The following CDYL variants were observed in gnomAD, a reference collection of about 807,000 sequenced individuals.
CDYL encodes the protein chromodomain Y like.
Under a neutral mutation model 47.3 loss-of-function variants are expected in CDYL, and 8 were observed. The ratio of observed to expected loss-of-function variants is 0.17; its 90% confidence interval spans 0.10 to 0.31. The LOEUF (loss-of-function observed/expected upper bound fraction) is 0.31. Ranked by LOEUF, CDYL falls within the 10% of genes least tolerant of loss-of-function variation. CDYL has a pLI of 1.00. For missense variants in CDYL, 471 were observed against 701.4 expected (o/e 0.67, Z 3.71); for synonymous variants, 266 against 265.0 (o/e 1.00, Z -0.04).
chr6:4,783,456 G>A (rs1193388623), intron 1 of CDYL, among the ~76,000 whole-genome samples: 3 of 144,628 alleles, frequency 2.1e-5, no homozygotes, highest in South Asian at 2.2e-4. Flanking sequence ...CACTCTTGTC[G>A]CCCAGGCTGG....
intron 1 of CDYL, among the ~76,000 whole-genome samples, chr6:4,886,922 C>T (rs1427470215): frequency 6.6e-6 from 1 of 152,106 alleles, no homozygotes; most frequent in East Asian, 1.9e-4. Flanking sequence ...TATGGATATC[C>T]AGTTGTCCCA....
chr6:4,864,906 A>G (rs1225942478), intron 1 of CDYL, among the ~76,000 whole-genome samples: 2 of 152,226 alleles, frequency 1.3e-5, no homozygotes, highest in African/African-American at 4.8e-5. Context: ...TACAAATTAT[A>G]GGAAGGAAGG....
At chr6:4,936,561 C>T (rs777297882) in intron 3 of CDYL, among the ~76,000 whole-genome samples, 3 of 152,184 alleles carry the variant, frequency 2.0e-5, no homozygotes, top group Non-Finnish European at 2.9e-5. Context: ...AGAGTCCCTT[C>T]ATTGATTATT....
intron 2 of CDYL, among the ~76,000 whole-genome samples, chr6:4,896,188 C>T (rs1762279423): frequency 6.6e-6 from 1 of 152,226 alleles, no homozygotes; most frequent in Non-Finnish European, 1.5e-5. Flanking sequence ...CTAAATCAGG[C>T]TTGCAGATTA....
At chr6:4,826,492 A>C (rs1759985400) in intron 1 of CDYL, among the ~76,000 whole-genome samples, 1 of 152,144 alleles carries the variant, frequency 6.6e-6, no homozygotes, top group African/African-American at 2.4e-5. Context: ...CTTTACATCT[A>C]TAAACTTTCC....
At chr6:4,884,408 G>A (rs1436823266) in intron 1 of CDYL, among the ~76,000 whole-genome samples, 1 of 152,194 alleles carries the variant, frequency 6.6e-6, no homozygotes, top group Non-Finnish European at 1.5e-5. Flanking sequence ...GACAAATTGA[G>A]TGGATTTGGT....
At chr6:4,783,531 C>G (rs182537270) in intron 1 of CDYL, among the ~76,000 whole-genome samples, 1 of 151,926 alleles carries the variant, frequency 6.6e-6, no homozygotes, top group African/African-American at 2.4e-5. Flanking sequence ...ATTCTCCTGC[C>G]TCAGCCTTTC....
At chr6:4,854,149 C>A (rs1162453112) in intron 1 of CDYL, among the ~76,000 whole-genome samples, 3 of 151,966 alleles carry the variant, frequency 2.0e-5, no homozygotes, top group African/African-American at 7.3e-5. Context: ...TCGTAGGCTG[C>A]TAGTTCTTTC....
chr6:4,880,781 A>G (rs1761742973), intron 1 of CDYL, among the ~76,000 whole-genome samples: 1 of 152,120 alleles, frequency 6.6e-6, no homozygotes, highest in South Asian at 2.1e-4. Flanking sequence ...CTAGTGACAT[A>G]TTCTGTGGCA....
At chr6:4,776,274 T>C (rs2127427554), upstream of CDYL, among the ~76,000 whole-genome samples, 1 of 138,706 alleles carries the variant, frequency 7.2e-6, no homozygotes, top group Non-Finnish European at 1.6e-5. Flanking sequence ...ACTGCTCCCC[T>C]CGGCTGCCCC....
rs117422184 is a variant in CDYL, at chr6:4,903,935, T to C, written c.691+11556T>C. On this transcript the variant is annotated intron_variant, in intron 2 of 6. Coordinates refer to ENST00000397588, the MANE Select transcript of CDYL (RefSeq NM_004824.4). ...GCCTCTTCATAGGCACGTTGCCATG[T>C]ACCACATGGCAGGCAGGTGTGACTG... Among the ~76,000 whole-genome samples, 28 of 152,344 alleles carry C rather than the reference T, an allele frequency of 1.8e-4. No homozygotes were observed. The East Asian group carries it at 4.6e-3, about 25-fold the overall frequency.
chr6:4,907,525 T>C (rs1057317084), intron 2 of CDYL, among the ~76,000 whole-genome samples: 1 of 151,944 alleles, frequency 6.6e-6, no homozygotes, highest in African/African-American at 2.4e-5. Context: ...CCTCACTAAT[T>C]TTTGTATTTT....
At chr6:4,927,393 T>G (rs1169588901) in intron 2 of CDYL, among the ~76,000 whole-genome samples, 1 of 151,372 alleles carries the variant, frequency 6.6e-6, no homozygotes, top group African/African-American at 2.4e-5. Context: ...TTTTTATGTT[T>G]TAGTGTTTTC....
chr6:4,708,026 T>C (rs987565666), intron 1 of CDYL, among the ~76,000 whole-genome samples: 2 of 152,170 alleles, frequency 1.3e-5, no homozygotes, highest in African/African-American at 4.8e-5. Flanking sequence ...TTGGAAAACA[T>C]TGTCAGAATG....
At chr6:4,870,856 C>T (rs1761453549) in intron 1 of CDYL, among the ~76,000 whole-genome samples, 1 of 152,072 alleles carries the variant, frequency 6.6e-6, no homozygotes, top group African/African-American at 2.4e-5. Context: ...TATTTGTTGG[C>T]ATTTTCTATT....
chr6:4,821,260 C>CTTTTTTTTTTTT lies in CDYL; in HGVS notation c.24+44471_24+44482dup, dbSNP rs1176819548. On this transcript the variant is annotated intron_variant, in intron 1 of 6. Transcript: ENST00000397588. The stretch of plus-strand genomic sequence containing the variant: ...TGATTATCATGGTCATATGGGAATT[C>CTTTTTTTTTTTT]TTTTTTTTTTTTTTTTTTTTTTTTT... Among the ~76,000 whole-genome samples, 16 of 60,382 alleles carry CTTTTTTTTTTTT rather than the reference C, an allele frequency of 2.6e-4. 2 individuals carry two copies. The highest frequency in any genetic ancestry group is 6.5e-4 in the African/African-American group (9 of 13,902). The allele number at this position is 60,382 out of a possible 152,430, so 39.6% of individuals were successfully genotyped here. A position where few individuals can be genotyped will look rare whatever the true frequency, so the allele number is the denominator to read the frequency against.
At chr6:4,947,467 C>T (rs985999079) in intron 5 of CDYL, among the ~76,000 whole-genome samples, 2 of 152,206 alleles carry the variant, frequency 1.3e-5, no homozygotes, top group East Asian at 1.9e-4. Context: ...GGCCAAGTCT[C>T]AGCCCTCTCT....
At chr6:4,711,124 G>T (rs1286452721) in intron 1 of CDYL, among the ~76,000 whole-genome samples, 1 of 152,122 alleles carries the variant, frequency 6.6e-6, no homozygotes, top group Non-Finnish European at 1.5e-5. Flanking sequence ...ACCAGTCCAT[G>T]CACTTGTCTC....
chr6:4,741,933 G>A (rs1450865800), intron 3 of CDYL, among the ~76,000 whole-genome samples: 1 of 152,154 alleles, frequency 6.6e-6, no homozygotes, highest in African/African-American at 2.4e-5. Context: ...TAGGTGATGT[G>A]CTCGATCATG....
Sources: gnomAD v4.1 joint callset for allele counts (sites outside exome capture counted in the v4.1 genomes callset) on GRCh38, gnomAD v4.1.1 for gene constraint, MANE v1.5 for transcripts, NCBI Gene and HGNC (gene_info 2026-07-23, HGNC 2026-07-21) for gene names.